Variants in CDKN2B-AS1 observed in about 807,000 individuals in gnomAD.
The protein encoded by CDKN2B-AS1 is CDKN2B antisense RNA 1 (non-protein coding).
At chr9:22,094,275 C>T (rs531918541) in intron 4 of CDKN2B-AS1, among the ~76,000 whole-genome samples, 16 of 143,386 alleles carry the variant, frequency 1.1e-4, no homozygotes, top group African/African-American at 4.1e-4. Context: ...TCAACTTTGG[C>T]AAATCCGACA....
chr9:22,038,447 A>G (rs1340411913), intron 1 of CDKN2B-AS1, among the ~76,000 whole-genome samples: 3 of 151,996 alleles, frequency 2.0e-5, no homozygotes, highest in African/African-American at 7.2e-5. Flanking sequence ...GCTCAAAGAA[A>G]CCACAAAGTG....
intron 4 of CDKN2B-AS1, among the ~76,000 whole-genome samples, chr9:22,087,000 T>A (rs891849134): frequency 9.2e-5 from 14 of 152,246 alleles, no homozygotes; most frequent in Admixed American, 9.2e-4. Flanking sequence ...GTTTTCTTCA[T>A]ACTTCCTTGC....
At chr9:22,050,741 T>C (rs374315400) in intron 3 of CDKN2B-AS1, among the ~76,000 whole-genome samples, 98 of 152,294 alleles carry the variant, frequency 6.4e-4, no homozygotes, top group African/African-American at 2.3e-3. Flanking sequence ...CCTAATTCGC[T>C]GGCACTGTCT....
At chr9:22,083,305 T>C (rs571766857) in intron 4 of CDKN2B-AS1, among the ~76,000 whole-genome samples, 3 of 152,302 alleles carry the variant, frequency 2.0e-5, no homozygotes, top group African/African-American at 7.2e-5. Context: ...CTGGAAGCAC[T>C]GGGAAGGATG....
chr9:22,096,851 C>A (rs1825293267), intron 4 of CDKN2B-AS1, among the ~76,000 whole-genome samples: 2 of 152,178 alleles, frequency 1.3e-5, no homozygotes, highest in African/African-American at 4.8e-5. Context: ...ATCTATTAGA[C>A]TCAGGCATCA....
At chr9:22,079,386 G>A (rs975111222) in intron 4 of CDKN2B-AS1, among the ~76,000 whole-genome samples, 1 of 152,098 alleles carries the variant, frequency 6.6e-6, no homozygotes, top group African/African-American at 2.4e-5. Context: ...TACTCGGGAG[G>A]CTGAGGCAGG....
intron 4 of CDKN2B-AS1, among the ~76,000 whole-genome samples, chr9:22,105,106 C>A (rs766951599): frequency 6.6e-6 from 1 of 152,162 alleles, no homozygotes; most frequent in Admixed American, 6.5e-5. Flanking sequence ...ATTGAAACTG[C>A]AACAGCTACA....
intron 4 of CDKN2B-AS1, among the ~76,000 whole-genome samples, chr9:22,072,785 A>C (rs1824348841): frequency 6.6e-6 from 1 of 152,208 alleles, no homozygotes; most frequent in Non-Finnish European, 1.5e-5. Context: ...ATTTCAGTTG[A>C]CTAGAAGAAT....
chr9:22,041,337 T>C (rs564431063), intron 1 of CDKN2B-AS1, among the ~76,000 whole-genome samples: 4 of 152,082 alleles, frequency 2.6e-5, no homozygotes, highest in African/African-American at 4.8e-5. Context: ...AAAAATAAAA[T>C]GTACTGTGGA....
intron 1 of CDKN2B-AS1, among the ~76,000 whole-genome samples, chr9:22,035,491 T>C (rs1449520220): frequency 6.6e-6 from 1 of 152,162 alleles, no homozygotes; most frequent in African/African-American, 2.4e-5. Context: ...CCCATGGCAG[T>C]AAGCTTCTAT....
chr9:22,125,132 A>G (rs1256329747), intron 4 of CDKN2B-AS1, among the ~76,000 whole-genome samples: 3 of 152,268 alleles, frequency 2.0e-5, no homozygotes, highest in South Asian at 4.1e-4. Context: ...ATCTTGCTTG[A>G]TAACCAATTT....
intron 4 of CDKN2B-AS1, among the ~76,000 whole-genome samples, chr9:22,083,032 A>G (rs1368904382): frequency 6.6e-6 from 1 of 152,220 alleles, no homozygotes; most frequent in African/African-American, 2.4e-5. Context: ...AACATGAATT[A>G]CATGATTAGA....
intron 1 of CDKN2B-AS1, among the ~76,000 whole-genome samples, chr9:22,036,866 C>T (rs946071848): frequency 1.3e-5 from 2 of 151,998 alleles, no homozygotes; most frequent in African/African-American, 4.8e-5. Context: ...ACTCAAAATC[C>T]ACCAAAACTA....
intron 4 of CDKN2B-AS1, among the ~76,000 whole-genome samples, chr9:22,104,176 C>T (rs948526190): frequency 2.0e-5 from 3 of 152,090 alleles, no homozygotes; most frequent in African/African-American, 4.8e-5. Flanking sequence ...GAGTCCCTTC[C>T]ATAGCATTGC....
chr9:22,054,613 T>G (rs546075440), intron 3 of CDKN2B-AS1, among the ~76,000 whole-genome samples: 3 of 152,128 alleles, frequency 2.0e-5, no homozygotes, highest in Admixed American at 6.5e-5. Context: ...TATCAAATGA[T>G]AGGATTGAAA....
chr9:22,075,076 A>G (rs1263124143), intron 4 of CDKN2B-AS1, among the ~76,000 whole-genome samples: 1 of 152,242 alleles, frequency 6.6e-6, no homozygotes, highest in African/African-American at 2.4e-5. Context: ...CTTTAAATAC[A>G]TTTACTTAAA....
At position 22,067,116 on chromosome 9, in the gene CDKN2B-AS1, TGAC is replaced by T. The variant is rs796528426; in HGVS notation, n.438+10732_438+10734del. Among the ~76,000 whole-genome samples, 66 of 152,148 alleles carry T rather than the reference TGAC, an allele frequency of 4.3e-4. 1 individual carries two copies. The highest frequency in any genetic ancestry group is 1.5e-3 in the African/African-American group (64 of 41,504). ...CATTAGGAGAAATACCTAATGTAAA[TGAC>T]GAGTTAATGGGTGCAGCACACCAAC... On this transcript the variant is annotated intron_variant and non_coding_transcript_variant, in intron 4 of 4. Coordinates refer to ENST00000650946, the Ensembl canonical transcript of CDKN2B-AS1.
At chr9:22,004,948 C>T (rs1471934314) in intron 1 of CDKN2B-AS1, 3 of 233,152 alleles carry the variant, frequency 1.3e-5, no homozygotes, top group East Asian at 1.2e-4. Context: ...AGTGCCATTG[C>T]TACATTTAAG....
chr9:22,045,273 A>T (rs1056573467), intron 1 of CDKN2B-AS1, among the ~76,000 whole-genome samples: 7 of 152,064 alleles, frequency 4.6e-5, no homozygotes. Context: ...ATTTAAGACT[A>T]ATCAAAATAT....
Sources: allele counts gnomAD v4.1 joint callset (sites outside exome capture counted in the v4.1 genomes callset), GRCh38; gene constraint gnomAD v4.1.1; transcripts MANE v1.5; gene names NCBI Gene and HGNC (gene_info 2026-07-23, HGNC 2026-07-21).